The following PDSS2 variants were observed in gnomAD, a reference collection of about 807,000 sequenced individuals.
The protein encoded by PDSS2 is decaprenyl diphosphate synthase subunit 2, also known as all trans-polyprenyl-diphosphate synthase PDSS2.
PDSS2 carries 31 observed loss-of-function variants against 44.5 expected under a neutral mutation model. That is an observed-to-expected ratio of 0.70 (90% CI 0.52 to 0.94). PDSS2 has a LOEUF of 0.94. Ranked by LOEUF, PDSS2 falls within the 40% of genes least tolerant of loss-of-function variation. PDSS2 has a pLI of 0.00. For missense variants in PDSS2, 452 were observed against 482.2 expected, an observed-to-expected ratio of 0.94 and a Z score of 0.59; for synonymous variants, 157 against 180.3, an observed-to-expected ratio of 0.87 and a Z score of 1.03.
intron 2 of PDSS2, among the ~76,000 whole-genome samples, chr6:107,323,806 G>T (rs1777456509): frequency 6.6e-6 from 1 of 152,126 alleles, no homozygotes; most frequent in Admixed American, 6.6e-5. Flanking sequence ...TCAACATACA[G>T]CCCTTCTTTA....
intron 1 of PDSS2, among the ~76,000 whole-genome samples, chr6:107,426,268 T>C (rs533024193): frequency 6.6e-6 from 1 of 152,282 alleles, no homozygotes; most frequent in East Asian, 1.9e-4. Flanking sequence ...CTTCAGAGGG[T>C]GCAAGCCCCA....
At chr6:107,341,064 C>T (rs1582963700) in intron 1 of PDSS2, among the ~76,000 whole-genome samples, 1 of 152,154 alleles carries the variant, frequency 6.6e-6, no homozygotes, top group Non-Finnish European at 1.5e-5. Flanking sequence ...AATCCTGTTA[C>T]TCTGGCAGGT....
At chr6:107,418,075 G>A (rs1192115291) in intron 1 of PDSS2, among the ~76,000 whole-genome samples, 9 of 152,090 alleles carry the variant, frequency 5.9e-5, no homozygotes, top group Non-Finnish European at 1.3e-4. Context: ...ATTGTGTTAG[G>A]GTAGTATGGC....
intron 7 of PDSS2, among the ~76,000 whole-genome samples, chr6:107,186,617 A>T (rs976199177): frequency 4.0e-5 from 6 of 149,338 alleles, no homozygotes; most frequent in Non-Finnish European, 7.4e-5. Flanking sequence ...GCGCCCCCCT[A>T]CCCCCCAACA....
At chr6:107,415,706 A>G (rs933137807) in intron 1 of PDSS2, among the ~76,000 whole-genome samples, 3 of 152,332 alleles carry the variant, frequency 2.0e-5, no homozygotes, top group Admixed American at 1.3e-4. Flanking sequence ...ATGTCCACCT[A>G]AAGTCATATT....
chr6:107,206,488 C>T (rs1772982698), intron 6 of PDSS2, among the ~76,000 whole-genome samples: 2 of 152,136 alleles, frequency 1.3e-5, no homozygotes, highest in South Asian at 4.1e-4. Flanking sequence ...TTAATGCCAT[C>T]ATTTTACAGA....
chr6:107,235,467 G>A (rs758467874), intron 4 of PDSS2, among the ~76,000 whole-genome samples: 7 of 152,120 alleles, frequency 4.6e-5, no homozygotes, highest in Admixed American at 3.3e-4. Context: ...CGCTTTAATA[G>A]TGAAAAAAAT....
rs187668749 is a variant in PDSS2 at position 107,314,717 on chromosome 6, A to G, written c.431+19481T>C. 2.6e-5 allele frequency among the ~76,000 whole-genome samples: 4 copies of G among 152,390 alleles called. No homozygotes were observed. In the East Asian group the frequency reaches 7.7e-4, roughly 29 times the overall value. ...ACAAGCACAGTCAAATTAGTACGCA[A>G]GGTTAAAACCATTATGCCCTGAAAA... On this transcript the variant is annotated intron_variant, in intron 2 of 7. Coordinates refer to ENST00000369037, the MANE Select transcript of PDSS2 (RefSeq NM_020381.4).
At chr6:107,249,397 A>G (rs1225993627) in intron 3 of PDSS2, among the ~76,000 whole-genome samples, 1 of 152,212 alleles carries the variant, frequency 6.6e-6, no homozygotes, top group Non-Finnish European at 1.5e-5. Context: ...GAACACATGC[A>G]AAGACCATTT....
intron 1 of PDSS2, among the ~76,000 whole-genome samples, chr6:107,342,260 A>G (rs1778103958): frequency 2.0e-5 from 3 of 151,990 alleles, no homozygotes; most frequent in Admixed American, 2.0e-4. Context: ...TCCATCTTAC[A>G]CATCTCCCCA....
intron 2 of PDSS2, among the ~76,000 whole-genome samples, chr6:107,291,410 T>C (rs1220330916): frequency 6.6e-6 from 1 of 151,380 alleles, no homozygotes; most frequent in African/African-American, 2.4e-5. Flanking sequence ...TACAGTAGTG[T>C]TATTGTAGTT....
At chr6:107,243,834 T>C (rs1410889486) in intron 4 of PDSS2, among the ~76,000 whole-genome samples, 1 of 152,164 alleles carries the variant, frequency 6.6e-6, no homozygotes, top group African/African-American at 2.4e-5. Context: ...TGGTCTGCCA[T>C]GCCCCCATCC....
chr6:107,259,800 G>T (rs1775153087), intron 3 of PDSS2, among the ~76,000 whole-genome samples: 1 of 152,120 alleles, frequency 6.6e-6, no homozygotes, highest in African/African-American at 2.4e-5. Flanking sequence ...TCATCTCTAG[G>T]AATGTAAAAT....
intron 2 of PDSS2, among the ~76,000 whole-genome samples, chr6:107,285,612 A>C (rs1262607791): frequency 2.0e-5 from 3 of 152,242 alleles, no homozygotes; most frequent in Admixed American, 2.0e-4. Flanking sequence ...ATAACAATTC[A>C]AATCATTAGG....
At chr6:107,458,450 G>C (rs78092304) in intron 1 of PDSS2, among the ~76,000 whole-genome samples, 1 of 113,738 alleles carries the variant, frequency 8.8e-6, no homozygotes, top group East Asian at 2.1e-4. Flanking sequence ...AAATCCTAAA[G>C]GCAGGTTTCA....
At chr6:107,439,265 C>A (rs1781445438) in intron 1 of PDSS2, among the ~76,000 whole-genome samples, 1 of 152,186 alleles carries the variant, frequency 6.6e-6, no homozygotes, top group African/African-American at 2.4e-5. Flanking sequence ...GTAATGATTT[C>A]TTTCTGAAAA....
intron 6 of PDSS2, among the ~76,000 whole-genome samples, chr6:107,207,383 TC>T (rs1773018264): frequency 6.6e-6 from 1 of 151,986 alleles, no homozygotes; most frequent in Non-Finnish European, 1.5e-5. Flanking sequence ...CTCAAAGATA[TC>T]CAGGAGGGTA....
chr6:107,180,376 A>C (rs1298524017), intron 7 of PDSS2, among the ~76,000 whole-genome samples: 1 of 152,224 alleles, frequency 6.6e-6, no homozygotes, highest in African/African-American at 2.4e-5. Context: ...TCTCTGCCTC[A>C]ACCCAGGGGG....
intron 1 of PDSS2, among the ~76,000 whole-genome samples, chr6:107,437,159 T>C (rs1396768940): frequency 1.3e-5 from 2 of 152,134 alleles, no homozygotes; most frequent in Non-Finnish European, 2.9e-5. Context: ...GCCATCGCAC[T>C]GGTAATTCTT....
Sources: allele counts gnomAD v4.1 joint callset (sites outside exome capture counted in the v4.1 genomes callset), GRCh38; gene constraint gnomAD v4.1.1; transcripts MANE v1.5; gene names NCBI Gene and HGNC (gene_info 2026-07-23, HGNC 2026-07-21).